Variants in SPATA31D1 observed in about 807,000 individuals in gnomAD.
The protein encoded by SPATA31D1 is SPATA31 subfamily D member 1, also known as spermatogenesis-associated protein 31D1.
SPATA31D1 carries 6 observed loss-of-function variants against 13.2 expected under a neutral mutation model. The observed-to-expected ratio is 0.46, with a 90% CI of 0.25 to 0.90. The LOEUF (loss-of-function observed/expected upper bound fraction) is 0.90, where lower values mean the gene tolerates loss of function less well. SPATA31D1 is among the 40% of genes least tolerant of loss of function. The pLI is 0.18. For synonymous variants in SPATA31D1, 903 were observed against 718.8 expected (o/e 1.26, Z -4.10); for missense variants, 2,445 against 1,884.7 (o/e 1.30, Z -5.50).
In SPATA31D1 at chr9:81,994,785, G is replaced by C. The variant is rs775011792; in HGVS notation, c.4315G>C (p.Gly1439Arg). The C allele has an allele frequency of 1.2e-6, 2 of 1,613,976 alleles. No homozygotes were observed. Among genetic ancestry groups the C allele is most frequent in the Admixed American group, 1.7e-5 (1 of 60,028 alleles). Residue 1439 changes from glycine to arginine, a missense_variant, in exon 4 of 4, where the codon GGG becomes CGG. Gly to Arg is a moderately radical substitution (Grantham distance 125, BLOSUM62 -2). Transcript: ENST00000344803. ...GCCCCTTTCCTTCCCAGTGGGGCTT[G>C]GGAAAGCTCAGCACAACCCAGAAGT... ...QEPLSFPVGLGKAQHNPEVHV... is the reference protein window; with the variant it reads ...QEPLSFPVGLRKAQHNPEVHV...
In SPATA31D1 at chr9:81,991,344, T is replaced by G; in HGVS notation, c.874T>G (p.Cys292Gly). 1 of 1,614,058 alleles carries G rather than the reference T, an allele frequency of 6.2e-7. No individual in the cohort carries two copies. The highest frequency in any genetic ancestry group is 8.5e-7 in the Non-Finnish European group (1 of 1,179,908). Residue 292 changes from cysteine (C) to glycine (G), a missense_variant, in exon 4 of 4, where the codon TGT becomes GGT. By Grantham distance (159) the Cys-to-Gly change is radical. Coordinates refer to ENST00000344803, the MANE Select transcript of SPATA31D1 (RefSeq NM_001001670.3). ...GCAGGCCATGAATCCCATTGATTCTTGTGCTCGTCATCACGGACCACCAAT... is the reference window on the plus strand; with the variant it reads ...GCAGGCCATGAATCCCATTGATTCTGGTGCTCGTCATCACGGACCACCAAT... ...ISQAMNPIDS[C>G]ARHHGPPIPS...
rs1290557851 is a variant in SPATA31D1, at chr9:81,993,691, A to G, written c.3221A>G (p.Asp1074Gly). The G allele has an allele frequency of 1.2e-6, 2 of 1,613,898 alleles. No homozygotes were observed. Among genetic ancestry groups the G allele is most frequent in the Non-Finnish European group, 1.7e-6 (2 of 1,179,898 alleles). ...AGAGAATTCTCTGATACTGACAATG[A>G]TCTTACAGAAAGTGTCCGGACAACA... is the stretch of plus-strand genomic sequence containing the variant. ...LRREFSDTDN[D>G]LTESVRTTED... is the part of the protein sequence containing the mutation. Residue 1074 changes from aspartate (D) to glycine (G), a missense_variant, in exon 4 of 4, where the codon GAT becomes GGT. Asp to Gly is a moderately conservative substitution (Grantham distance 94). Coordinates refer to ENST00000344803, the MANE Select transcript of SPATA31D1 (RefSeq NM_001001670.3).
rs1824965361 is a variant in SPATA31D1, at chr9:81,991,599, A to C, written c.1129A>C (p.Met377Leu). Residue 377 changes from methionine (M) to leucine (L), a missense_variant, in exon 4 of 4, where the codon ATG (methionine) becomes CTG (leucine). Coordinates refer to ENST00000344803, the MANE Select transcript of SPATA31D1 (RefSeq NM_001001670.3). ...FSSNFVPSDF[M>L]EELLTLHSSE... ...CTCTAATTTTGTGCCATCTGATTTC[A>C]TGGAGGAGCTTCTTACCCTTCATTC... 1 of 1,613,942 alleles carries C rather than the reference A, an allele frequency of 6.2e-7. No individual in the cohort carries two copies. Among genetic ancestry groups the C allele is most frequent in the East Asian group, 2.2e-5 (1 of 44,860 alleles).
chr9:81,993,627 A>C lies in SPATA31D1; in HGVS notation c.3157A>C (p.Thr1053Pro). The C allele has an allele frequency of 6.2e-7, 1 of 1,613,670 alleles. No homozygotes were observed. Among genetic ancestry groups the C allele is most frequent in the South Asian group, 1.1e-5 (1 of 91,048 alleles). Residue 1053 changes from threonine (T) to proline (P), a missense_variant, in exon 4 of 4, where the codon ACT becomes CCT. Physicochemically the swap from Thr to Pro is conservative, Grantham distance 38 (BLOSUM62 -1). Coordinates refer to ENST00000344803, the MANE Select transcript of SPATA31D1 (RefSeq NM_001001670.3). ...CATCCTCGGTCATTCTTACCTTGTC[A>C]CTTCACCTGTCAACCAAGAAAAGCA... is the stretch of plus-strand genomic sequence containing the variant. ...FPILGHSYLV[T>P]SPVNQEKQGT...
Position 81,990,859 on chromosome 9 carries a change from G to T in SPATA31D1, c.389G>T (p.Cys130Phe), listed in dbSNP as rs201852680. Residue 130 changes from cysteine (C) to phenylalanine (F), a missense_variant, in exon 4 of 4, where the codon TGT becomes TTT. Transcript: ENST00000344803. ...CGACTGTTATGCCCAGACCCCGTCT[G>T]TCGGGTGTGTAAGAGAGCAACTGCT... ...FRRLLCPDPVCRVCKRATADI... is the reference protein window; with the variant it reads ...FRRLLCPDPVFRVCKRATADI... 1.9e-6 allele frequency: 3 copies of T among 1,613,966 alleles called. No individual in the cohort carries two copies. The East Asian group carries it at 6.7e-5, about 36-fold the overall frequency.
chr9:81,993,786 G>C lies in SPATA31D1; in HGVS notation c.3316G>C (p.Val1106Leu), dbSNP rs764997009. 1 of 1,614,028 alleles carries C rather than the reference G, an allele frequency of 6.2e-7. No individual in the cohort carries two copies. The highest frequency in any genetic ancestry group is 1.1e-5 in the South Asian group (1 of 91,086). The change falls in exon 4 of 4, where the codon GTA (valine) becomes CTA (leucine). Residue 1106 changes from valine to leucine, a missense_variant. Transcript: ENST00000344803. ...IVDEVSQKQT[V>L]LASRCSAELP... ...AGACGAAGTCAGTCAGAAACAGACT[G>C]TACTGGCCAGTAGATGCAGCGCAGA...
In SPATA31D1 at chr9:81,993,300, C is replaced by T. The variant is rs1406365683; in HGVS notation, c.2830C>T (p.Leu944Phe). The change falls in exon 4 of 4, where the codon CTT (leucine) becomes TTT (phenylalanine). Residue 944 changes from leucine to phenylalanine, a missense_variant. By Grantham distance (22) the Leu-to-Phe change is conservative (BLOSUM62 0). Coordinates refer to ENST00000344803, the MANE Select transcript of SPATA31D1 (RefSeq NM_001001670.3). Reference protein sequence around the residue: ...DLSTSFSHFDLPSSATFISQG... With the variant: ...DLSTSFSHFDFPSSATFISQG... Reference sequence around the variant, plus strand: ...TTCCACTTCCTTTTCCCATTTCGACCTTCCCTCCTCAGCCACCTTCATCTC... The same window carrying T: ...TTCCACTTCCTTTTCCCATTTCGACTTTCCCTCCTCAGCCACCTTCATCTC... The T allele has an allele frequency of 6.2e-7, 1 of 1,613,948 alleles. No homozygotes were observed. The highest frequency in any genetic ancestry group is 1.1e-5 in the South Asian group (1 of 91,076).
chr9:81,992,183 G>A lies in SPATA31D1; in HGVS notation c.1713G>A (p.Gln571=), dbSNP rs1824983541. Residue 571 remains glutamine, a synonymous_variant, in exon 4 of 4, where the codon CAG becomes CAA. Transcript: ENST00000344803. ...LPLPQTLPQG[Q]SPHLTQVKSL... Reference sequence around the variant, plus strand: ...TGCCTCAAACCCTGCCCCAAGGTCAGTCCCCACATCTCACTCAGGTGAAGT... The same window carrying A: ...TGCCTCAAACCCTGCCCCAAGGTCAATCCCCACATCTCACTCAGGTGAAGT... 6.2e-7 allele frequency: 1 copy of A among 1,613,706 alleles called. No homozygotes were observed. The highest frequency in any genetic ancestry group is 8.5e-7 in the Non-Finnish European group (1 of 1,179,714).
chr9:81,993,298 A>G lies in SPATA31D1; in HGVS notation c.2828A>G (p.Asp943Gly). ...ADLSTSFSHF[D>G]LPSSATFISQ... ...CTTTCCACTTCCTTTTCCCATTTCG[A>G]CCTTCCCTCCTCAGCCACCTTCATC... The change falls in exon 4 of 4, where the codon GAC becomes GGC. Residue 943 changes from aspartate to glycine, a missense_variant. Physicochemically the swap from Asp to Gly is moderately conservative, Grantham distance 94. Transcript: ENST00000344803. 6.2e-7 allele frequency: 1 copy of G among 1,613,774 alleles called. No individual in the cohort carries two copies. Among genetic ancestry groups the G allele is most frequent in the Non-Finnish European group, 8.5e-7 (1 of 1,179,850 alleles).
chr9:81,990,780 C>T lies in SPATA31D1; in HGVS notation c.310C>T (p.Pro104Ser), dbSNP rs552758887. ...TTCTGGTCCTGACTGCAGCTTTGGA[C>T]CTCCTGTTTCCTGCAGTCCTCGGGG... ...KLLSLLKSFG[P>S]PVSCSPRGQH... Residue 104 changes from proline to serine, a missense_variant, in exon 4 of 4, where the codon CCT becomes TCT. Coordinates refer to ENST00000344803, the MANE Select transcript of SPATA31D1 (RefSeq NM_001001670.3). 8.1e-6 allele frequency: 13 copies of T among 1,609,184 alleles called. No individual in the cohort carries two copies. Among genetic ancestry groups the T allele is most frequent in the East Asian group, 6.7e-5 (3 of 44,746 alleles).
Position 81,994,390 on chromosome 9 carries a change from G to T in SPATA31D1, c.3920G>T (p.Gly1307Val). The stretch of plus-strand genomic sequence containing the variant: ...CCCAAAGGAGGAGAGCTTGATGGAG[G>T]GGATGCAGGGCTGGGGACATCCCAA... ...VRPKGGELDG[G>V]DAGLGTSQRR... The change falls in exon 4 of 4, where the codon GGG (glycine) becomes GTG (valine). Residue 1307 changes from glycine (G) to valine (V), a missense_variant. Transcript: ENST00000344803. The T allele has an allele frequency of 6.2e-7, 1 of 1,613,930 alleles. No individual in the cohort carries two copies.
Position 81,990,873 on chromosome 9 carries a change from A to G in SPATA31D1, c.403A>G (p.Arg135Gly). ...CPDPVCRVCK[R>G]ATADIQQLLS... is the part of the protein sequence containing the mutation. Reference sequence around the variant, plus strand: ...AGACCCCGTCTGTCGGGTGTGTAAGAGAGCAACTGCTGATATCCAGCAACT... The same window carrying G: ...AGACCCCGTCTGTCGGGTGTGTAAGGGAGCAACTGCTGATATCCAGCAACT... The change falls in exon 4 of 4, where the codon AGA (arginine) becomes GGA (glycine). Residue 135 changes from arginine to glycine, a missense_variant. Transcript: ENST00000344803. 1.2e-6 allele frequency: 2 copies of G among 1,613,896 alleles called. No individual in the cohort carries two copies. The highest frequency in any genetic ancestry group is 8.5e-7 in the Non-Finnish European group (1 of 1,179,862).
chr9:81,989,912 A>T, intron 2 of SPATA31D1, 89 bp downstream of exon 2: 1 of 1,449,210 alleles, frequency 6.9e-7, no homozygotes, highest in South Asian at 1.3e-5. Context: ...TTAGAATGTC[A>T]GTTACTAGAT....
In SPATA31D1 at chr9:81,993,130, A is replaced by G; in HGVS notation, c.2660A>G (p.Asp887Gly). Residue 887 changes from aspartate to glycine, a missense_variant, in exon 4 of 4, where the codon GAT becomes GGT. By Grantham distance (94) the Asp-to-Gly change is moderately conservative (BLOSUM62 -1). Coordinates refer to ENST00000344803, the MANE Select transcript of SPATA31D1 (RefSeq NM_001001670.3). The stretch of plus-strand genomic sequence containing the variant: ...TTGGTGAGTGAGGACCACTGCGTTG[A>G]TACTTCCCAGGAAATTTCCTTCCTT... ...VTLVSEDHCV[D>G]TSQEISFLSS... 6.2e-7 allele frequency: 1 copy of G among 1,613,992 alleles called. No individual in the cohort carries two copies. The highest frequency in any genetic ancestry group is 1.1e-5 in the South Asian group (1 of 91,086).
At chr9:81,989,307 G>A (rs1824906811) in intron 1 of SPATA31D1, among the ~76,000 whole-genome samples, 1 of 152,210 alleles carries the variant, frequency 6.6e-6, no homozygotes, top group Admixed American at 6.5e-5. Flanking sequence ...ATTATTTAGA[G>A]ATTGTGGGCT....
rs772831952 is a variant in SPATA31D1, at chr9:81,991,641, G to T, written c.1171G>T (p.Gly391Trp). ...CCTTCATTCTTCTGAGGCCTTTTTA[G>T]GGGGGCACTCTGTGGCCAACCTCAT... ...LTLHSSEAFL[G>W]GHSVANLIEP... Residue 391 changes from glycine to tryptophan, a missense_variant, in exon 4 of 4, where the codon GGG (glycine) becomes TGG (tryptophan). Physicochemically the swap from Gly to Trp is radical, Grantham distance 184. Transcript: ENST00000344803. The T allele has an allele frequency of 2.5e-6, 4 of 1,613,880 alleles. No homozygotes were observed. Among genetic ancestry groups the T allele is most frequent in the East Asian group, 2.2e-5 (1 of 44,870 alleles).
chr9:81,992,363 A>G lies in SPATA31D1; in HGVS notation c.1893A>G (p.Lys631=). The G allele has an allele frequency of 6.2e-7, 1 of 1,613,838 alleles. No homozygotes were observed. Among genetic ancestry groups the G allele is most frequent in the Non-Finnish European group, 8.5e-7 (1 of 1,179,738 alleles). ...INHLEWNVLQ[K]VQESLWGLPS... is the part of the protein sequence containing the mutation. ...ATCTGGAGTGGAACGTGTTGCAGAAAGTGCAGGAAAGTTTGTGGGGCTTAC... is the reference window on the plus strand; with the variant it reads ...ATCTGGAGTGGAACGTGTTGCAGAAGGTGCAGGAAAGTTTGTGGGGCTTAC... The change falls in exon 4 of 4, where the codon AAA becomes AAG. Residue 631 remains lysine, a synonymous_variant. Coordinates refer to ENST00000344803, the MANE Select transcript of SPATA31D1 (RefSeq NM_001001670.3).
At position 81,994,600 on chromosome 9, in the gene SPATA31D1, A is replaced by C; in HGVS notation, c.4130A>C (p.Lys1377Thr). The C allele has an allele frequency of 6.2e-7, 1 of 1,613,020 alleles. No individual in the cohort carries two copies. Among genetic ancestry groups the C allele is most frequent in the Non-Finnish European group, 8.5e-7 (1 of 1,179,422 alleles). The change falls in exon 4 of 4, where the codon AAG (lysine) becomes ACG (threonine). Residue 1377 changes from lysine to threonine, a missense_variant. Coordinates refer to ENST00000344803, the MANE Select transcript of SPATA31D1 (RefSeq NM_001001670.3). ...GAAGAACAAGAAAGTTCCTGGGAAA[A>C]GGGTAGCTCCCTGTCATCATGTGTG... ...SYEEQESSWE[K>T]GSSLSSCVQN... is the part of the protein sequence containing the mutation.
Position 81,992,668 on chromosome 9 carries a change from A to G in SPATA31D1, c.2198A>G (p.Asn733Ser), listed in dbSNP as rs751935060. ...TCAGAGAGAATTCATGGACCGTTAAATATCTCTTTGGTTGAGGGTCAGAGG... is the reference window on the plus strand; with the variant it reads ...TCAGAGAGAATTCATGGACCGTTAAGTATCTCTTTGGTTGAGGGTCAGAGG... ...SVSERIHGPL[N>S]ISLVEGQRCN... The change falls in exon 4 of 4, where the codon AAT becomes AGT. Residue 733 changes from asparagine (N) to serine (S), a missense_variant. Asn to Ser is a conservative substitution (Grantham distance 46). Transcript: ENST00000344803. 12 of 1,613,718 alleles carry G rather than the reference A, an allele frequency of 7.4e-6. No homozygotes were observed. Among genetic ancestry groups the G allele is most frequent in the Admixed American group, 3.3e-5 (2 of 60,000 alleles).
Sources: allele counts gnomAD v4.1 joint callset (sites outside exome capture counted in the v4.1 genomes callset), GRCh38; gene constraint gnomAD v4.1.1; transcripts MANE v1.5; gene names NCBI Gene and HGNC (gene_info 2026-07-23, HGNC 2026-07-21).